The following ADCY5 variants were observed in gnomAD, a reference collection of about 807,000 sequenced individuals.
ADCY5 encodes the protein adenylate cyclase 5, also known as adenylate cyclase type 5.
ADCY5 carries 30 observed loss-of-function variants against 119.7 expected under a neutral mutation model. That is an observed-to-expected ratio of 0.25 (90% CI 0.19 to 0.34). The LOEUF (loss-of-function observed/expected upper bound fraction) is 0.34, where lower values mean the gene tolerates loss of function less well. Ranked by LOEUF, ADCY5 falls within the 10% of genes least tolerant of loss-of-function variation. The pLI is 1.00. For synonymous variants in ADCY5, 753 were observed against 762.2 expected, an observed-to-expected ratio of 0.99 and a Z score of 0.20; for missense variants, 1,324 against 1,775.2, an observed-to-expected ratio of 0.75 and a Z score of 4.57.
chr3:123,393,702 T>A (rs1944461404), intron 1 of ADCY5, among the ~76,000 whole-genome samples: 1 of 152,096 alleles, frequency 6.6e-6, no homozygotes, highest in South Asian at 2.1e-4. Context: ...TCATCCTTGT[T>A]ATGAACTCAG....
intron 1 of ADCY5, among the ~76,000 whole-genome samples, chr3:123,358,195 T>TGTGTGTGTGTGTGTGTGTGTGTGTGA (rs58986112): frequency 8.0e-5 from 12 of 149,198 alleles, no homozygotes; most frequent in East Asian, 2.0e-4. Flanking sequence ...TGTGTGTGTG[T>TGTGTGTGTGTGTGTGTGTGTGTGTGA]AGGGAGTTGG....
intron 1 of ADCY5, among the ~76,000 whole-genome samples, chr3:123,396,819 CGAGAGA>C (rs146072347): frequency 6.4e-5 from 4 of 62,292 alleles, no homozygotes; most frequent in Middle Eastern, 0.012. Context: ...GGCAGGCAGG[CGAGAGA>C]GAGAGAGAGA....
At chr3:123,296,255 C>A in intron 16 of ADCY5, 39 bp from the exon 17 acceptor site, 1 of 1,600,474 alleles carries the variant, frequency 6.2e-7, no homozygotes, top group Non-Finnish European at 8.5e-7. Flanking sequence ...ACGGCCGTGG[C>A]TCCTCACAGC....
At chr3:123,318,285 A>G in intron 10 of ADCY5, 168 bp from the exon 11 acceptor site, 1 of 575,182 alleles carries the variant, frequency 1.7e-6, no homozygotes, top group South Asian at 1.9e-5. Context: ...ACCCCAGGAA[A>G]CCAGTCCAGA....
At chr3:123,416,055 C>T in intron 1 of ADCY5, 2 of 1,000,550 alleles carry the variant, frequency 2.0e-6, no homozygotes, top group Non-Finnish European at 2.8e-6. Context: ...ATAAAGTTCC[C>T]ACCTAGGGTC....
At chr3:123,300,027 T>G in intron 15 of ADCY5, 93 bp downstream of exon 15, 2 of 1,377,358 alleles carry the variant, frequency 1.5e-6, no homozygotes, top group Non-Finnish European at 1.0e-6. Context: ...CCTCGCAAGT[T>G]CCCTGTGGTG....
At chr3:123,423,698 C>T (rs910680609) in intron 1 of ADCY5, among the ~76,000 whole-genome samples, 2 of 152,316 alleles carry the variant, frequency 1.3e-5, no homozygotes, top group South Asian at 4.1e-4. Flanking sequence ...AGGACAGGGC[C>T]CGGCGGCTGG....
chr3:123,390,181 C>G (rs1246751830), intron 1 of ADCY5, among the ~76,000 whole-genome samples: 1 of 152,248 alleles, frequency 6.6e-6, no homozygotes, highest in Non-Finnish European at 1.5e-5. Flanking sequence ...CGACCCTTCC[C>G]CAGCAGATGC....
chr3:123,409,359 A>G (rs973830553), intron 1 of ADCY5, among the ~76,000 whole-genome samples: 1 of 152,228 alleles, frequency 6.6e-6, no homozygotes, highest in Non-Finnish European at 1.5e-5. Context: ...GTCGCAGGCC[A>G]TGAAACCAGG....
At position 123,284,278 on chromosome 3, in the gene ADCY5, C is replaced by T. The variant is rs760025829; in HGVS notation, c.*330G>A. 12 of 279,056 alleles carry T rather than the reference C, an allele frequency of 4.3e-5. No homozygotes were observed. The highest frequency in any genetic ancestry group is 9.2e-5 in the Admixed American group (2 of 21,630). 17.3% of individuals were successfully genotyped at this position (279,056 alleles called of 1,614,324 possible). ...CCCTCAGCCCTGCCCTTGTCTGGGC[C>T]GTGCCACACACACATTCCCACGGCT... On this transcript the variant is annotated 3_prime_UTR_variant, in exon 21 of 21. Coordinates refer to ENST00000462833, the MANE Select transcript of ADCY5 (RefSeq NM_183357.3).
intron 1 of ADCY5, among the ~76,000 whole-genome samples, chr3:123,421,944 G>C (rs185056858): frequency 6.6e-6 from 1 of 152,086 alleles, no homozygotes; most frequent in Non-Finnish European, 1.5e-5. Flanking sequence ...CTCAACTCAC[G>C]GCCTTCTCCG....
At chr3:123,433,115 C>G (rs1202817705) in intron 1 of ADCY5, among the ~76,000 whole-genome samples, 1 of 152,200 alleles carries the variant, frequency 6.6e-6, no homozygotes, top group Non-Finnish European at 1.5e-5. Flanking sequence ...ACAAACCTAA[C>G]GAGAAAAATT....
intron 1 of ADCY5, among the ~76,000 whole-genome samples, chr3:123,393,953 G>A (rs1452365928): frequency 6.6e-6 from 1 of 152,144 alleles, no homozygotes; most frequent in African/African-American, 2.4e-5. Flanking sequence ...GGCCAACATG[G>A]TGAAACCCTG....
intron 1 of ADCY5, among the ~76,000 whole-genome samples, chr3:123,362,702 G>C (rs181316498): frequency 1.3e-5 from 2 of 152,158 alleles, no homozygotes; most frequent in African/African-American, 4.8e-5. Context: ...GAAGTGGTTG[G>C]GAGGACATAA....
chr3:123,385,090 G>A (rs537054861), intron 1 of ADCY5, among the ~76,000 whole-genome samples: 16 of 152,010 alleles, frequency 1.1e-4, no homozygotes, highest in Middle Eastern at 3.4e-3. Flanking sequence ...CCTTACAGCC[G>A]GCACCCCAGC....
At chr3:123,411,204 CCA>C (rs1375337962) in intron 1 of ADCY5, among the ~76,000 whole-genome samples, 1 of 152,212 alleles carries the variant, frequency 6.6e-6, no homozygotes, top group East Asian at 1.9e-4. Context: ...CTCCTGGAAT[CCA>C]CAGTCAAGGG....
intron 2 of ADCY5, among the ~76,000 whole-genome samples, chr3:123,349,935 A>G (rs899235367): frequency 1.3e-5 from 2 of 152,222 alleles, no homozygotes; most frequent in African/African-American, 2.4e-5. Flanking sequence ...GACACTGCTG[A>G]GATCAGCCCA....
At chr3:123,423,842 G>T (rs1945350271) in intron 1 of ADCY5, among the ~76,000 whole-genome samples, 1 of 152,208 alleles carries the variant, frequency 6.6e-6, no homozygotes, top group African/African-American at 2.4e-5. Context: ...GGCCACCCCA[G>T]GACTCAGCCC....
chr3:123,324,959 C>T (rs1398342737), intron 8 of ADCY5, among the ~76,000 whole-genome samples: 8 of 152,218 alleles, frequency 5.3e-5, no homozygotes, highest in Admixed American at 5.2e-4. Flanking sequence ...GGTGCCCACC[C>T]AACTCCCTGG....
Sources: allele counts gnomAD v4.1 joint callset (sites outside exome capture counted in the v4.1 genomes callset), GRCh38; gene constraint gnomAD v4.1.1; transcripts MANE v1.5; gene names NCBI Gene and HGNC (gene_info 2026-07-23, HGNC 2026-07-21).